SLC9A9: variants seen among roughly 807,000 people sequenced by gnomAD.
SLC9A9 encodes solute carrier family 9 member A9, also known as sodium/hydrogen exchanger 9.
Under a neutral mutation model 77.8 loss-of-function variants are expected in SLC9A9, and 62 were observed. The observed-to-expected ratio is 0.80, with a 90% CI of 0.65 to 0.98. SLC9A9 has a LOEUF of 0.98. Ranked by LOEUF, SLC9A9 falls within the 50% of genes least tolerant of loss-of-function variation. The pLI, the probability that SLC9A9 is intolerant of heterozygous loss-of-function variation, is 0.00. For missense variants in SLC9A9, 775 were observed against 774.9 expected (o/e 1.00, Z 0.00); for synonymous variants, 320 against 283.5 (o/e 1.13, Z -1.29).
At chr3:143,344,641 T>C (rs974332195) in intron 14 of SLC9A9, 3 of 152,260 alleles carry the variant, frequency 2.0e-5, no homozygotes, top group African/African-American at 7.2e-5. Flanking sequence ...TTGCTGTTGC[T>C]TGCAGTCTTT....
At chr3:143,486,133 G>T (rs960262823) in intron 11 of SLC9A9, among the ~76,000 whole-genome samples, 3 of 151,894 alleles carry the variant, frequency 2.0e-5, no homozygotes, top group African/African-American at 7.2e-5. Flanking sequence ...TAGTCAAAAC[G>T]CTAAAAGAAA....
Position 143,388,013 on chromosome 3 carries a change from G to A in SLC9A9, c.1470-5899C>T, listed in dbSNP as rs150965738. 4.1e-3 allele frequency among the ~76,000 whole-genome samples: 622 copies of A among 152,272 alleles called. 4 individuals are homozygous for A. The highest frequency in any genetic ancestry group is 0.014 in the African/African-American group (593 of 41,550). ...AGCCCCCTGGTGACAGGGGCTGGGT[G>A]GTGGGGGAAGATACATTATTTCCTC... On this transcript the variant is annotated intron_variant, in intron 12 of 15. Coordinates refer to ENST00000316549, the MANE Select transcript of SLC9A9 (RefSeq NM_173653.4).
intron 8 of SLC9A9, among the ~76,000 whole-genome samples, chr3:143,570,563 A>G (rs1225953581): frequency 1.3e-5 from 2 of 152,182 alleles, no homozygotes; most frequent in Admixed American, 1.3e-4. Flanking sequence ...TAATAAGAAT[A>G]TTAAAACCTG....
At chr3:143,498,698 A>G (rs1185668771) in intron 9 of SLC9A9, among the ~76,000 whole-genome samples, 2 of 152,186 alleles carry the variant, frequency 1.3e-5, no homozygotes, top group African/African-American at 4.8e-5. Flanking sequence ...AATTAACAGC[A>G]TCCCAGAATC....
chr3:143,815,864 C>T (rs1262187660), intron 2 of SLC9A9, among the ~76,000 whole-genome samples: 2 of 151,864 alleles, frequency 1.3e-5, no homozygotes. Flanking sequence ...GATTCCATCT[C>T]AAAAAAACAA....
chr3:143,843,383 A>T (rs1023193363), intron 1 of SLC9A9, among the ~76,000 whole-genome samples: 1 of 152,198 alleles, frequency 6.6e-6, no homozygotes, highest in Admixed American at 6.5e-5. Context: ...ATGATTCACT[A>T]TGTAACTGTA....
At position 143,726,369 on chromosome 3, in the gene SLC9A9, T is replaced by C. The variant is rs7619651; in HGVS notation, c.534-33062A>G. Among the ~76,000 whole-genome samples the C allele has an allele frequency of 8.6e-3, 1,303 of 152,268 alleles. 24 individuals are homozygous for C. Among genetic ancestry groups the C allele is most frequent in the African/African-American group, 0.03 (1,247 of 41,560 alleles). ...GGCATAATGGGAAGGCTCTATATTT[T>C]GATTGACATGGTATTTAAATGAGAT... On this transcript the variant is annotated intron_variant, in intron 4 of 15. Transcript: ENST00000316549.
intron 12 of SLC9A9, among the ~76,000 whole-genome samples, chr3:143,384,347 C>T (rs2033372369): frequency 6.6e-6 from 1 of 152,104 alleles, no homozygotes; most frequent in African/African-American, 2.4e-5. Context: ...CTGGCTGTTC[C>T]CTAGAGGCTT....
At chr3:143,758,535 A>G (rs1157643633) in intron 4 of SLC9A9, among the ~76,000 whole-genome samples, 6 of 152,140 alleles carry the variant, frequency 3.9e-5, no homozygotes, top group African/African-American at 1.4e-4. Flanking sequence ...TGAAGACTTG[A>G]AGCTGTTTAG....
At chr3:143,371,928 C>A (rs1303932458) in intron 13 of SLC9A9, 1 of 368,480 alleles carries the variant, frequency 2.7e-6, no homozygotes, top group Admixed American at 3.0e-5. Flanking sequence ...CAACAGTGAC[C>A]AAGCTGAGAA....
chr3:143,841,063 G>T (rs2009694789), intron 1 of SLC9A9, among the ~76,000 whole-genome samples: 1 of 152,166 alleles, frequency 6.6e-6, no homozygotes, highest in African/African-American at 2.4e-5. Context: ...CTACATAAGC[G>T]ATAGAGGTGA....
intron 9 of SLC9A9, among the ~76,000 whole-genome samples, chr3:143,506,813 A>T (rs1292511823): frequency 6.6e-6 from 1 of 152,158 alleles, no homozygotes; most frequent in Non-Finnish European, 1.5e-5. Flanking sequence ...GAATAAGACA[A>T]TTAGTTTCTC....
chr3:143,745,017 C>T (rs1468500365), intron 4 of SLC9A9, among the ~76,000 whole-genome samples: 2 of 152,216 alleles, frequency 1.3e-5, no homozygotes, highest in Non-Finnish European at 2.9e-5. Flanking sequence ...ACTTCACCAT[C>T]CTCTTTTGTT....
At chr3:143,547,858 C>T (rs1166948238) in intron 9 of SLC9A9, among the ~76,000 whole-genome samples, 1 of 152,200 alleles carries the variant, frequency 6.6e-6, no homozygotes, top group East Asian at 1.9e-4. Context: ...GCACTATATA[C>T]TTTGCTTATT....
intron 9 of SLC9A9, among the ~76,000 whole-genome samples, chr3:143,535,518 A>C (rs939676976): frequency 1.1e-4 from 16 of 152,198 alleles, no homozygotes; most frequent in African/African-American, 3.6e-4. Flanking sequence ...ATTAAGCAGC[A>C]AAATGCACTT....
intron 7 of SLC9A9, among the ~76,000 whole-genome samples, chr3:143,575,549 C>A (rs1451208056): frequency 6.6e-6 from 1 of 152,094 alleles, no homozygotes; most frequent in Non-Finnish European, 1.5e-5. Context: ...GAAATAGAAT[C>A]AGTAAGGATC....
chr3:143,382,166 ACAGT>A, intron 12 of SLC9A9, 52 bp from the exon 13 acceptor site: 1 of 1,597,854 alleles, frequency 6.3e-7, no homozygotes, highest in Non-Finnish European at 8.6e-7. Flanking sequence ...AAGGAATGAG[ACAGT>A]CTTGTGTGTC....
chr3:143,514,983 T>G (rs987603829), intron 9 of SLC9A9, among the ~76,000 whole-genome samples: 3 of 152,238 alleles, frequency 2.0e-5, no homozygotes, highest in Non-Finnish European at 4.4e-5. Flanking sequence ...CCTTTTGACA[T>G]GCCTTCCTCA....
At chr3:143,532,824 T>C (rs138991021) in intron 9 of SLC9A9, among the ~76,000 whole-genome samples, 19 of 152,322 alleles carry the variant, frequency 1.2e-4, no homozygotes, top group Non-Finnish European at 2.8e-4. Context: ...GTCCCTCAAG[T>C]GACCCAGGAT....
Sources: gnomAD v4.1 joint callset for allele counts (sites outside exome capture counted in the v4.1 genomes callset) on GRCh38, gnomAD v4.1.1 for gene constraint, MANE v1.5 for transcripts, NCBI Gene and HGNC (gene_info 2026-07-23, HGNC 2026-07-21) for gene names.